The following SERPINB12 variants were observed in gnomAD, a reference collection of about 807,000 sequenced individuals.
SERPINB12 encodes serpin B12.
Under a neutral mutation model 41.1 loss-of-function variants are expected in SERPINB12, and 57 were observed. The ratio of observed to expected loss-of-function variants is 1.39; its 90% CI spans 1.12 to 1.73. The LOEUF (loss-of-function observed/expected upper bound fraction) is 1.73. Ranked by LOEUF, SERPINB12 falls within the 40% of genes most tolerant of loss-of-function variation. The pLI, the probability that SERPINB12 is intolerant of heterozygous loss-of-function variation, is 0.00. For missense variants in SERPINB12, 536 were observed against 501.9 expected (o/e 1.07, Z -0.65); for synonymous variants, 180 against 181.3 (o/e 0.99, Z 0.06).
At chr18:63,538,967 G>A (rs530380743), upstream of SERPINB12, among the ~76,000 whole-genome samples, 50 of 152,122 alleles carry the variant, frequency 3.3e-4, no homozygotes, top group Non-Finnish European at 6.6e-4. Context: ...TAAAAATGGT[G>A]GCTGGGAGTG....
chr18:63,555,700 G>A (rs1910649951), intron 1 of SERPINB12, among the ~76,000 whole-genome samples: 1 of 152,142 alleles, frequency 6.6e-6, no homozygotes, highest in East Asian at 1.9e-4. Flanking sequence ...GAAGATGGAG[G>A]CAGAGACTTG....
At chr18:63,544,625 T>G (rs1028193088) in intron 1 of SERPINB12, among the ~76,000 whole-genome samples, 2 of 152,132 alleles carry the variant, frequency 1.3e-5, no homozygotes, top group Non-Finnish European at 2.9e-5. Flanking sequence ...CATATTGGGG[T>G]GGACAGCTGA....
At position 63,551,359 on chromosome 18, in the gene SERPINB12, C is replaced by T. The variant is rs147470855; in HGVS notation, c.-18-4783C>T. Among the ~76,000 whole-genome samples, 972 of 151,964 alleles carry T rather than the reference C, an allele frequency of 6.4e-3. 10 individuals carry two copies. The highest frequency in any genetic ancestry group is 0.022 in the African/African-American group (931 of 41,454). ...TTCTTTTTTGAGATGGAATTTCGCT[C>T]CTGTTGCCCAGGCTGGAGTGCAATG... On this transcript the variant is annotated intron_variant, in intron 1 of 7. Coordinates refer to ENST00000382768, the MANE Select transcript of SERPINB12 (RefSeq NM_001307928.2).
the SERPINB12 span, among the ~76,000 whole-genome samples, chr18:63,527,472 A>G: frequency 6.6e-6 from 1 of 152,196 alleles, no homozygotes; most frequent in African/African-American, 2.4e-5. Context: ...AGAGGCTGTC[A>G]TTGAGAATGG....
intron 6 of SERPINB12, among the ~76,000 whole-genome samples, chr18:63,564,470 C>T (rs1911025855): frequency 6.6e-6 from 1 of 152,172 alleles, no homozygotes; most frequent in South Asian, 2.1e-4. Flanking sequence ...GTGTTCTAAG[C>T]TAGTAGATTT....
Position 63,550,760 on chromosome 18 carries a change from C to T in SERPINB12, c.-18-5382C>T, listed in dbSNP as rs555419701. On this transcript the variant is annotated intron_variant, in intron 1 of 7. Coordinates refer to ENST00000382768, the MANE Select transcript of SERPINB12 (RefSeq NM_001307928.2). ...GTCTTGCTGGCAGTTTGAAATTAACCTTAATGGGGGTATTTACACCATAGA... is the reference window on the plus strand; with the variant it reads ...GTCTTGCTGGCAGTTTGAAATTAACTTTAATGGGGGTATTTACACCATAGA... 3.3e-5 allele frequency among the ~76,000 whole-genome samples: 5 copies of T among 152,176 alleles called. No individual in the cohort carries two copies. The East Asian group carries it at 7.8e-4, about 24-fold the overall frequency.
At chr18:63,550,246 G>C (rs1910489839) in intron 1 of SERPINB12, among the ~76,000 whole-genome samples, 1 of 152,178 alleles carries the variant, frequency 6.6e-6, no homozygotes, top group Non-Finnish European at 1.5e-5. Flanking sequence ...GAGGCAGCCT[G>C]TGTGAGCAAT....
intron 1 of SERPINB12, among the ~76,000 whole-genome samples, chr18:63,547,902 A>G (rs911799965): frequency 6.6e-6 from 1 of 152,170 alleles, no homozygotes; most frequent in Admixed American, 6.6e-5. Context: ...ATTATCTACA[A>G]TGAAAAATGG....
Position 63,565,536 on chromosome 18 carries a change from G to A in SERPINB12, c.797G>A (p.Arg266Lys), listed in dbSNP as rs770893694. 1 of 1,614,098 alleles carries A rather than the reference G, an allele frequency of 6.2e-7. No individual in the cohort carries two copies. Among genetic ancestry groups the A allele is most frequent in the Admixed American group, 1.7e-5 (1 of 60,004 alleles). ...EEVKAQILEM[R>K]YTKGKLSMFV... ...GTGAAGGCACAGATCCTGGAAATGA[G>A]GTACACCAAGGGGAAGCTCAGCATG... The change falls in exon 7 of 8, where the codon AGG (arginine) becomes AAG (lysine). Residue 266 changes from arginine to lysine, a missense_variant. By Grantham distance (26) the Arg-to-Lys change is conservative (BLOSUM62 2). Coordinates refer to ENST00000382768, the MANE Select transcript of SERPINB12 (RefSeq NM_001307928.2).
At chr18:63,525,751 C>T in the SERPINB12 span, among the ~76,000 whole-genome samples, 29 of 152,124 alleles carry the variant, frequency 1.9e-4, no homozygotes, top group African/African-American at 5.5e-4. Flanking sequence ...TTCAACAGGT[C>T]GAGTCATTAT....
At chr18:63,536,268 A>G in the SERPINB12 span, among the ~76,000 whole-genome samples, 1 of 152,010 alleles carries the variant, frequency 6.6e-6, no homozygotes, top group South Asian at 2.1e-4. Context: ...CCATATTTAA[A>G]TGTCAAATGA....
At chr18:63,523,965 T>G in the SERPINB12 span, among the ~76,000 whole-genome samples, 6 of 152,268 alleles carry the variant, frequency 3.9e-5, no homozygotes, top group South Asian at 4.1e-4. Flanking sequence ...CCTTGAGAAA[T>G]AAAATTGCCA....
intron 3 of SERPINB12, among the ~76,000 whole-genome samples, chr18:63,559,018 C>CTTTCTTTT (rs1334352722): frequency 9.6e-5 from 6 of 62,502 alleles, no homozygotes. Flanking sequence ...TTCTTTCTTT[C>CTTTCTTTT]TTTCTTTCTT....
At chr18:63,539,964 G>A (rs1212398847), upstream of SERPINB12, among the ~76,000 whole-genome samples, 5 of 152,104 alleles carry the variant, frequency 3.3e-5, no homozygotes, top group Non-Finnish European at 5.9e-5. Context: ...TTGCAATTGG[G>A]TGCTAGAGTC....
chr18:63,533,763 G>A, the SERPINB12 span, among the ~76,000 whole-genome samples: 1 of 152,074 alleles, frequency 6.6e-6, no homozygotes, highest in African/African-American at 2.4e-5. Context: ...ATCGCCAAAG[G>A]AATACATCTA....
rs909235284 is a variant in SERPINB12, at chr18:63,566,965, A to G, written c.1232A>G (p.Asn411Ser). Residue 411 changes from asparagine (N) to serine (S), a missense_variant, in exon 8 of 8, where the codon AAC (asparagine) becomes AGC (serine). By Grantham distance (46) the Asn-to-Ser change is conservative. Coordinates refer to ENST00000382768, the MANE Select transcript of SERPINB12 (RefSeq NM_001307928.2). The part of the protein sequence containing the change: ...NHPFLFFIRH[N>S]KTQTILFYGR... ...CCTTTTCTCTTTTTCATTAGACACA[A>G]CAAAACCCAAACCATTCTCTTTTAT... The G allele has an allele frequency of 1.2e-6, 2 of 1,611,754 alleles. No homozygotes were observed. Among genetic ancestry groups the G allele is most frequent in the Non-Finnish European group, 8.5e-7 (1 of 1,179,154 alleles).
chr18:63,529,905 C>T, the SERPINB12 span, among the ~76,000 whole-genome samples: 4 of 152,052 alleles, frequency 2.6e-5, no homozygotes, highest in African/African-American at 9.7e-5. Context: ...TAATGTTTTT[C>T]TTCCCTTTTT....
In SERPINB12 at chr18:63,558,380, A is replaced by G. The variant is rs749928895; in HGVS notation, c.197A>G (p.Asn66Ser). ...EVLHFNEFSQ[N>S]ESKEPDPCLK... ...CTACACTTCAACGAATTTTCCCAGA[A>G]TGAAAGCAAAGAACCTGACCCTTGT... The change falls in exon 3 of 8, where the codon AAT becomes AGT. Residue 66 changes from asparagine to serine, a missense_variant. By Grantham distance (46) the Asn-to-Ser change is conservative. Transcript: ENST00000382768. 5 of 1,613,888 alleles carry G rather than the reference A, an allele frequency of 3.1e-6. No individual in the cohort carries two copies. In the Admixed American group the frequency reaches 6.7e-5, roughly 22 times the overall value.
chr18:63,536,528 A>T, the SERPINB12 span, among the ~76,000 whole-genome samples: 10 of 152,164 alleles, frequency 6.6e-5, no homozygotes, highest in Non-Finnish European at 1.2e-4. Flanking sequence ...ATAGGAATTG[A>T]TATTAGAAGA....
Sources: gnomAD v4.1 joint callset for allele counts (sites outside exome capture counted in the v4.1 genomes callset) on GRCh38, gnomAD v4.1.1 for gene constraint, MANE v1.5 for transcripts, NCBI Gene and HGNC (gene_info 2026-07-23, HGNC 2026-07-21) for gene names.